DUT: variants seen among roughly 807,000 people sequenced by gnomAD.
The protein encoded by DUT is deoxyuridine triphosphatase.
A neutral mutation model predicts 28.8 loss-of-function variants in DUT; 21 were observed. The ratio of observed to expected loss-of-function variants is 0.73; its 90% confidence interval spans 0.52 to 1.05. The LOEUF is 1.05. Among genes scored for constraint, DUT ranks in the 50% least tolerant of loss-of-function variants. The pLI is 0.00. For synonymous variants in DUT, 147 were observed against 143.7 expected (o/e 1.02, Z -0.17); for missense variants, 344 against 351.8 (o/e 0.98, Z 0.18).
At chr15:48,341,719 A>C in intron 6 of DUT, 134 bp downstream of exon 6, 1 of 741,276 alleles carries the variant, frequency 1.3e-6, no homozygotes, top group Non-Finnish European at 2.2e-6. Flanking sequence ...AAGCAAATTT[A>C]AAATACTAGT....
chr15:48,336,683 A>G (rs1426187942), intron 4 of DUT, among the ~76,000 whole-genome samples: 1 of 152,166 alleles, frequency 6.6e-6, no homozygotes, highest in East Asian at 1.9e-4. Flanking sequence ...GTCCGCTCCA[A>G]CTGGGATTCA....
chr15:48,336,043 T>C lies in DUT; in HGVS notation c.512-3T>C. 6.2e-7 allele frequency: 1 copy of C among 1,604,120 alleles called. No homozygotes were observed. Reference sequence around the variant, plus strand: ...AACCAATGTCTCCTTTTTTGTTTTTTAGCTCCACGGTCAGGCTTGGCTGCA... The same window carrying C: ...AACCAATGTCTCCTTTTTTGTTTTTCAGCTCCACGGTCAGGCTTGGCTGCA... On this transcript the variant is annotated splice_region_variant and splice_polypyrimidine_tract_variant and intron_variant, in intron 3 of 6. Transcript: ENST00000331200.
chr15:48,331,839 C>A, intron 1 of DUT, 44 bp downstream of exon 1: 1 of 1,239,584 alleles, frequency 8.1e-7, no homozygotes, highest in South Asian at 2.0e-5. Context: ...GGAAGGAATC[C>A]ACGCGGCTTG....
At chr15:48,341,816 A>G (rs1254180976) in intron 6 of DUT, 10 of 564,610 alleles carry the variant, frequency 1.8e-5, no homozygotes, top group Non-Finnish European at 3.1e-5. Context: ...GTGAACTTCT[A>G]ATATTTTATT....
chr15:48,331,543 C>A lies in DUT; in HGVS notation c.28C>A (p.Leu10Ile). 1 of 1,611,564 alleles carries A rather than the reference C, an allele frequency of 6.2e-7. No individual in the cohort carries two copies. The highest frequency in any genetic ancestry group is 8.5e-7 in the Non-Finnish European group (1 of 1,179,388). Residue 10 changes from leucine (L) to isoleucine (I), a missense_variant, in exon 1 of 7, where the codon CTC becomes ATC. Coordinates refer to ENST00000331200, the MANE Select transcript of DUT (RefSeq NM_001025248.2). ...GACTCCCCTCTGCCCTCGCCCCGCG[C>A]TCTGCTACCATTTCCTTACGTCTCT... MTPLCPRPALCYHFLTSLLR... is the reference protein window; with the variant it reads MTPLCPRPAICYHFLTSLLR...
chr15:48,334,541 C>A, intron 3 of DUT, 33 bp downstream of exon 3: 2 of 1,464,338 alleles, frequency 1.4e-6, no homozygotes, highest in South Asian at 1.2e-5. Flanking sequence ...AACTATTTGT[C>A]AAGTTCTCCT....
chr15:48,331,961 G>A, intron 1 of DUT, 166 bp downstream of exon 1: 2 of 873,110 alleles, frequency 2.3e-6, no homozygotes, highest in Non-Finnish European at 3.2e-6. Context: ...AGTGTGTGAG[G>A]GCGACGCCCT....
intron 1 of DUT, 61 bp downstream of exon 1, chr15:48,331,856 T>C (rs1180789858): frequency 3.7e-5 from 27 of 738,784 alleles, no homozygotes; most frequent in Non-Finnish European, 4.1e-5. Flanking sequence ...CTTGAGGCTG[T>C]GGGGGAAGTA....
chr15:48,334,711 T>C (rs922541152), intron 3 of DUT, among the ~76,000 whole-genome samples: 3 of 152,218 alleles, frequency 2.0e-5, no homozygotes, highest in Non-Finnish European at 4.4e-5. Flanking sequence ...TTTTTCTCCT[T>C]CCTCACTGGA....
At chr15:48,333,191 A>G (rs775358416) in intron 2 of DUT, among the ~76,000 whole-genome samples, 13 of 152,254 alleles carry the variant, frequency 8.5e-5, no homozygotes, top group Non-Finnish European at 1.6e-4. Context: ...GATTTATTTT[A>G]AAGTATCTCA....
At chr15:48,331,375 A>C (rs968131672), upstream of DUT, 5 of 1,468,460 alleles carry the variant, frequency 3.4e-6, no homozygotes, top group African/African-American at 7.2e-5. Context: ...CTGCCGGGGC[A>C]CCGCCTCTCC....
At chr15:48,339,620 A>C (rs1425620733) in intron 4 of DUT, among the ~76,000 whole-genome samples, 1 of 152,178 alleles carries the variant, frequency 6.6e-6, no homozygotes, top group South Asian at 2.1e-4. Context: ...TAAGGTGTAA[A>C]TTAATGGTCA....
chr15:48,331,411 G>T, upstream of DUT: 10 of 1,515,276 alleles, frequency 6.6e-6, no homozygotes, highest in South Asian at 1.3e-5. Flanking sequence ...CGGCGGCTGC[G>T]ACTGCTTCCG....
chr15:48,337,353 A>G (rs1297635760), intron 4 of DUT, among the ~76,000 whole-genome samples: 1 of 152,214 alleles, frequency 6.6e-6, no homozygotes, highest in Non-Finnish European at 1.5e-5. Flanking sequence ...GAAGTTTCAA[A>G]TGATTGTTCA....
At position 48,343,283 on chromosome 15, in the gene DUT, AG is replaced by A. The variant is rs2042561322; in HGVS notation, c.*1206del. 1 of 152,198 alleles carries A rather than the reference AG, an allele frequency of 6.6e-6. No individual in the cohort carries two copies. Among genetic ancestry groups the A allele is most frequent in the South Asian group, 2.1e-4 (1 of 4,832 alleles). 9.4% of individuals were successfully genotyped at this position (152,198 alleles called of 1,614,324 possible). A position where few individuals can be genotyped will look rare whatever the true frequency, so the allele number is the denominator to read the frequency against. Reference sequence around the variant, plus strand: ...CATTAGTGAGCCATGAAATCAACTCAGTGGGACATAGCCAGCATTTTTGCAT... The same window carrying A: ...CATTAGTGAGCCATGAAATCAACTCATGGGACATAGCCAGCATTTTTGCAT... On this transcript the variant is annotated 3_prime_UTR_variant, in exon 7 of 7. Transcript: ENST00000331200.
In DUT at chr15:48,332,262, C is replaced by G; in HGVS notation, c.281-6C>G. The G allele has an allele frequency of 1.2e-6, 2 of 1,606,906 alleles. No individual in the cohort carries two copies. Among genetic ancestry groups the G allele is most frequent in the East Asian group, 2.3e-5 (1 of 44,340 alleles). On this transcript the variant is annotated splice_polypyrimidine_tract_variant and splice_region_variant and intron_variant, in intron 1 of 6. Transcript: ENST00000331200. ...CCTTCTGGCTCTGCCATGCCCTGCTCTGAAGAGACACCCGCCATTTCACCC... is the reference window on the plus strand; with the variant it reads ...CCTTCTGGCTCTGCCATGCCCTGCTGTGAAGAGACACCCGCCATTTCACCC...
chr15:48,332,061 G>C, intron 1 of DUT: 2 of 1,192,462 alleles, frequency 1.7e-6, no homozygotes, highest in Non-Finnish European at 2.2e-6. Context: ...TGCTTTCCGA[G>C]AAGGGCTTCA....
intron 5 of DUT, 30 bp from the exon 6 acceptor site, chr15:48,341,485 C>G: frequency 4.4e-6 from 7 of 1,604,348 alleles, no homozygotes; most frequent in Non-Finnish European, 6.0e-6. Flanking sequence ...GTGTCAGTAA[C>G]GTCAGTAATA....
upstream of DUT, chr15:48,331,276 A>T: frequency 6.9e-7 from 1 of 1,455,322 alleles, no homozygotes; most frequent in Non-Finnish European, 9.0e-7. Flanking sequence ...AGCGAAAGCA[A>T]GAGGGCTAGG....
Sources: allele counts gnomAD v4.1 joint callset (sites outside exome capture counted in the v4.1 genomes callset), GRCh38; gene constraint gnomAD v4.1.1; transcripts MANE v1.5; gene names NCBI Gene and HGNC (gene_info 2026-07-23, HGNC 2026-07-21).